Variants in NRG1 observed in about 807,000 individuals in gnomAD.
NRG1 encodes the protein pro-neuregulin-1, membrane-bound isoform.
A neutral mutation model predicts 63.8 loss-of-function variants in NRG1; 18 were observed. The observed-to-expected ratio is 0.28, with a 90% CI of 0.19 to 0.42. NRG1 has a LOEUF of 0.42. NRG1 is among the 10% of genes least tolerant of loss of function. The probability of loss-of-function intolerance (pLI) is 1.00; values close to 1 mark genes in which losing one functional copy is unlikely to be tolerated. For missense variants in NRG1, 762 were observed against 814.7 expected, an observed-to-expected ratio of 0.94 and a Z score of 0.79; for synonymous variants, 302 against 301.3, an observed-to-expected ratio of 1.00 and a Z score of -0.02.
exon 1 of NRG1, chr8:32,548,696 C>G (rs372321801): frequency 6.4e-7 from 1 of 1,557,810 alleles, no homozygotes; most frequent in Admixed American, 2.0e-5. Context: ...CGCCGAGAGC[C>G]GTCCGCGTAG....
intron 6 of NRG1, among the ~76,000 whole-genome samples, chr8:32,741,665 T>TA (rs1826337509): frequency 1.3e-5 from 2 of 152,172 alleles, no homozygotes; most frequent in Non-Finnish European, 2.9e-5. Flanking sequence ...AAACCAGTGT[T>TA]TCAACATAGT....
chr8:32,760,048 G>A, intron 10 of NRG1, 152 bp from the exon 11 acceptor site: 2 of 826,962 alleles, frequency 2.4e-6, no homozygotes. Context: ...TTACCTTTGT[G>A]GCGATTCTAT....
chr8:31,951,207 T>G (rs1414468046), intron 1 of NRG1, among the ~76,000 whole-genome samples: 1 of 152,238 alleles, frequency 6.6e-6, no homozygotes, highest in African/African-American at 2.4e-5. Context: ...CATGTTTACC[T>G]TGTGCCCTTT....
rs560624472 is a variant in NRG1 at position 31,799,948 on chromosome 8, A to G, written c.37+160517A>G. 3.3e-5 allele frequency among the ~76,000 whole-genome samples: 5 copies of G among 152,304 alleles called. No individual in the cohort carries two copies. In the East Asian group the frequency reaches 7.7e-4, roughly 23 times the overall value. The stretch of plus-strand genomic sequence containing the variant: ...TGTAAAGTTCTTGCCTGTATTATGT[A>G]TAGCAACTAGAGCTACTTTATCCAC... On this transcript the variant is annotated intron_variant, in intron 1 of 10. Transcript: ENST00000519301.
chr8:31,669,916 T>C (rs1436765654), intron 1 of NRG1, among the ~76,000 whole-genome samples: 2 of 152,118 alleles, frequency 1.3e-5, no homozygotes, highest in African/African-American at 4.8e-5. Flanking sequence ...TGGTGTCATG[T>C]TGGTGCTCAG....
intron 1 of NRG1, among the ~76,000 whole-genome samples, chr8:32,407,045 G>T (rs1047158512): frequency 1.6e-4 from 24 of 151,628 alleles, no homozygotes; most frequent in African/African-American, 5.3e-4. Flanking sequence ...AAAGTCATGG[G>T]TATGCTCTTA....
chr8:32,605,918 A>G (rs1244975760), intron 3 of NRG1, among the ~76,000 whole-genome samples: 1 of 152,060 alleles, frequency 6.6e-6, no homozygotes, highest in Non-Finnish European at 1.5e-5. Context: ...TAATAAGGCC[A>G]TGAATGGCAG....
At chr8:32,398,404 A>AC (rs1812714890) in intron 1 of NRG1, among the ~76,000 whole-genome samples, 3 of 101,508 alleles carry the variant, frequency 3.0e-5, no homozygotes, top group Admixed American at 1.2e-4. Context: ...CTGTATTTCC[A>AC]CCCAAATTTT....
intron 1 of NRG1, among the ~76,000 whole-genome samples, chr8:32,013,720 T>C (rs1194028132): frequency 6.6e-6 from 1 of 152,066 alleles, no homozygotes; most frequent in African/African-American, 2.4e-5. Context: ...ATCTCAAAAC[T>C]CACTACATTC....
chr8:31,773,586 G>A (rs1818837231), intron 1 of NRG1, among the ~76,000 whole-genome samples: 1 of 152,158 alleles, frequency 6.6e-6, no homozygotes, highest in African/African-American at 2.4e-5. Flanking sequence ...AACAGCCAGA[G>A]GGATCTTTTA....
At chr8:32,473,892 C>T (rs1349145814) in intron 1 of NRG1, among the ~76,000 whole-genome samples, 1 of 152,040 alleles carries the variant, frequency 6.6e-6, no homozygotes, top group Non-Finnish European at 1.5e-5. Flanking sequence ...CGCCATGTTT[C>T]CCAAGCTGGT....
chr8:31,748,899 TTCTCC>T (rs2131444496), intron 1 of NRG1, among the ~76,000 whole-genome samples: 1 of 151,920 alleles, frequency 6.6e-6, no homozygotes, highest in Non-Finnish European at 1.5e-5. Flanking sequence ...ACCCTCAAAT[TTCTCC>T]TCTCAGATTC....
intron 1 of NRG1, among the ~76,000 whole-genome samples, chr8:32,237,647 T>C (rs1847708763): frequency 6.6e-6 from 1 of 152,188 alleles, no homozygotes. Context: ...TAGTAGTCTA[T>C]TAAGTAGACA....
chr8:32,714,347 A>G (rs149306078), intron 5 of NRG1, among the ~76,000 whole-genome samples: 7 of 152,376 alleles, frequency 4.6e-5, no homozygotes, highest in Non-Finnish European at 1.0e-4. Flanking sequence ...AATTGAGCAA[A>G]GAATAAAATG....
At chr8:32,764,456 T>C in exon 12 of NRG1, 1 of 1,362,480 alleles carries the variant, frequency 7.3e-7, no homozygotes, top group Non-Finnish European at 9.7e-7. Context: ...TATAATAAAG[T>C]ATTCCACCTT....
chr8:32,450,457 C>T (rs1183250705), intron 1 of NRG1, among the ~76,000 whole-genome samples: 1 of 152,142 alleles, frequency 6.6e-6, no homozygotes, highest in East Asian at 1.9e-4. Flanking sequence ...CGCTCTGCCA[C>T]CCAGGCTGGA....
chr8:32,512,035 C>T (rs1287475399), intron 1 of NRG1, among the ~76,000 whole-genome samples: 1 of 151,868 alleles, frequency 6.6e-6, no homozygotes, highest in Non-Finnish European at 1.5e-5. Context: ...GATCATGGGT[C>T]ATTCCATGCC....
intron 1 of NRG1, among the ~76,000 whole-genome samples, chr8:32,248,935 C>T (rs1020824956): frequency 6.6e-6 from 1 of 151,920 alleles, no homozygotes; most frequent in Non-Finnish European, 1.5e-5. Flanking sequence ...ATTTTGTGAA[C>T]TTGAATTATT....
intron 5 of NRG1, among the ~76,000 whole-genome samples, chr8:32,643,507 G>T (rs7012689): frequency 0.61 from 92,265 of 152,004 alleles, 28,952 homozygotes; most frequent in African/African-American, 0.77. Context: ...TCGTCATGTG[G>T]GGGAGCCATC....
Sources: gnomAD v4.1 joint callset for allele counts (sites outside exome capture counted in the v4.1 genomes callset) on GRCh38, gnomAD v4.1.1 for gene constraint, MANE v1.5 for transcripts, NCBI Gene and HGNC (gene_info 2026-07-23, HGNC 2026-07-21) for gene names.